Variants in CNGB3 observed in about 807,000 individuals in gnomAD.
CNGB3 encodes the protein cyclic nucleotide gated channel subunit beta 3.
A neutral mutation model predicts 92.8 loss-of-function variants in CNGB3; 86 were observed. The observed-to-expected ratio is 0.93, with a 90% CI of 0.78 to 1.11. CNGB3 has a LOEUF of 1.11. Ranked by LOEUF, CNGB3 falls within the 50% of genes least tolerant of loss-of-function variation. The probability of loss-of-function intolerance (pLI) is 0.00; values close to 1 mark genes in which losing one functional copy is unlikely to be tolerated. For missense variants in CNGB3, 1,026 were observed against 956.8 expected, an observed-to-expected ratio of 1.07 and a Z score of -0.95; for synonymous variants, 333 against 332.7, an observed-to-expected ratio of 1.00 and a Z score of -0.01.
chr8:86,596,677 G>A (rs935621357), intron 15 of CNGB3, among the ~76,000 whole-genome samples: 4 of 152,216 alleles, frequency 2.6e-5, no homozygotes, highest in Non-Finnish European at 5.9e-5. Context: ...CTTGGTGCCT[G>A]TGTAAAGTGT....
intron 3 of CNGB3, among the ~76,000 whole-genome samples, chr8:86,724,692 T>C (rs1420576842): frequency 2.0e-5 from 3 of 151,964 alleles, no homozygotes; most frequent in Admixed American, 6.6e-5. Flanking sequence ...CATAGCCTAG[T>C]TAGGAATGTC....
chr8:86,738,383 G>A (rs1298784500), intron 2 of CNGB3, among the ~76,000 whole-genome samples: 1 of 152,178 alleles, frequency 6.6e-6, no homozygotes, highest in South Asian at 2.1e-4. Context: ...GATCAAAGTG[G>A]TGGTTAATGG....
In CNGB3 at chr8:86,680,230, A is replaced by G. The variant is rs16916767; in HGVS notation, c.339-9132T>C. 8.7e-3 allele frequency among the ~76,000 whole-genome samples: 1,331 copies of G among 152,342 alleles called. 16 individuals are homozygous for G. The highest frequency in any genetic ancestry group is 0.029 in the African/African-American group (1,226 of 41,586). Reference sequence around the variant, plus strand: ...AAAAAAATGTTGTGAAAACTCTACAATGCTGGAAAGCAAGACATTGCCACC... The same window carrying G: ...AAAAAAATGTTGTGAAAACTCTACAGTGCTGGAAAGCAAGACATTGCCACC... On this transcript the variant is annotated intron_variant, in intron 3 of 17. Transcript: ENST00000320005.
At chr8:86,625,948 T>G (rs762419306) in intron 13 of CNGB3, 35 bp downstream of exon 13, 1 of 1,508,150 alleles carries the variant, frequency 6.6e-7, no homozygotes, top group Non-Finnish European at 9.2e-7. Flanking sequence ...CATAGAGAAA[T>G]AGATACAGAG....
chr8:86,723,742 A>T (rs1213267735), intron 3 of CNGB3, among the ~76,000 whole-genome samples: 3 of 152,188 alleles, frequency 2.0e-5, no homozygotes. Flanking sequence ...CATGTGAACA[A>T]CCATCTAATA....
At chr8:86,741,549 C>T (rs530360232) in intron 1 of CNGB3, among the ~76,000 whole-genome samples, 1 of 152,080 alleles carries the variant, frequency 6.6e-6, no homozygotes, top group Admixed American at 6.6e-5. Context: ...GCCTGTAATC[C>T]CAGCTACTCG....
At chr8:86,603,996 C>A in intron 15 of CNGB3, 97 bp downstream of exon 15, 1 of 819,178 alleles carries the variant, frequency 1.2e-6, no homozygotes, top group Admixed American at 1.8e-5. Flanking sequence ...ACAATCAAAC[C>A]TTTGATAAAT....
At position 86,647,796 on chromosome 8, in the gene CNGB3, C is replaced by T. The variant is rs1432349774; in HGVS notation, c.990+5G>A. 7.2e-7 allele frequency: 1 copy of T among 1,391,474 alleles called. No homozygotes were observed. Among genetic ancestry groups the T allele is most frequent in the East Asian group, 2.3e-5 (1 of 43,636 alleles). 86.2% of individuals were successfully genotyped at this position (1,391,474 alleles called of 1,614,324 possible). ...GGAAAAGACAATTAAATATAGTTAT[C>T]TTACCTTTAACATCCTATTTGCTCT... On this transcript the variant is annotated splice_donor_5th_base_variant and intron_variant, in intron 8 of 17. Transcript: ENST00000320005.
At chr8:86,739,578 A>T in intron 2 of CNGB3, 77 bp downstream of exon 2, 1 of 1,582,698 alleles carries the variant, frequency 6.3e-7, no homozygotes, top group South Asian at 1.2e-5. Context: ...CAAATATTTC[A>T]TCAGACAGCA....
intron 6 of CNGB3, chr8:86,659,332 G>T (rs958741655): frequency 1.3e-5 from 15 of 1,171,208 alleles, no homozygotes; most frequent in Non-Finnish European, 1.8e-5. Context: ...TCCATGGCCT[G>T]CTGTAACTGC....
chr8:86,600,723 C>T (rs2131556051), intron 15 of CNGB3, among the ~76,000 whole-genome samples: 1 of 150,124 alleles, frequency 6.7e-6, no homozygotes, highest in East Asian at 1.9e-4. Context: ...TATTCTCCTG[C>T]CTCAGCCTCC....
chr8:86,657,552 G>A (rs1310506680), intron 6 of CNGB3: 4 of 474,292 alleles, frequency 8.4e-6, no homozygotes, highest in African/African-American at 2.0e-5. Context: ...GCCTCTTCTT[G>A]TGCAGGCTCC....
chr8:86,738,695 C>T (rs1327006166), intron 2 of CNGB3, among the ~76,000 whole-genome samples: 1 of 151,988 alleles, frequency 6.6e-6, no homozygotes, highest in Non-Finnish European at 1.5e-5. Flanking sequence ...AAAAATTAGC[C>T]AGGCTTGGTG....
At chr8:86,652,151 G>A (rs1823416073) in intron 7 of CNGB3, among the ~76,000 whole-genome samples, 2 of 151,894 alleles carry the variant, frequency 1.3e-5, no homozygotes, top group Admixed American at 1.3e-4. Context: ...GTAACACAAT[G>A]GTAAATATCT....
chr8:86,653,308 A>G (rs1823440833), intron 7 of CNGB3, among the ~76,000 whole-genome samples: 1 of 152,100 alleles, frequency 6.6e-6, no homozygotes, highest in South Asian at 2.1e-4. Flanking sequence ...GCAATATTTA[A>G]TAAAGAAAAT....
intron 15 of CNGB3, chr8:86,593,647 A>G: frequency 1.9e-6 from 1 of 517,880 alleles, no homozygotes; most frequent in Non-Finnish European, 3.6e-6. Flanking sequence ...TTCCCCACTG[A>G]GGTGGACCCT....
rs1824425722 is a variant in CNGB3, at chr8:86,695,164, G to A, written c.339-24066C>T. 2.3e-4 allele frequency among the ~76,000 whole-genome samples: 7 copies of A among 30,252 alleles called. No individual in the cohort carries two copies. The South Asian group carries it at 0.043, about 187-fold the overall frequency. The allele number at this position is 30,252 out of a possible 152,430, so 19.8% of individuals were successfully genotyped here. A position where few individuals can be genotyped will look rare whatever the true frequency, so the allele number is the denominator to read the frequency against. On this transcript the variant is annotated intron_variant, in intron 3 of 17. Coordinates refer to ENST00000320005, the MANE Select transcript of CNGB3 (RefSeq NM_019098.5). ...ATACGAAAACCAGTCAGGCGTGGCG[G>A]TGGCGCCTGCAATCGCAGGCACTCG...
At chr8:86,723,587 T>C (rs971634179) in intron 3 of CNGB3, among the ~76,000 whole-genome samples, 30 of 152,262 alleles carry the variant, frequency 2.0e-4, no homozygotes, top group African/African-American at 7.2e-4. Context: ...ACCCATGAGA[T>C]TGGAACAGAA....
chr8:86,614,682 G>A (rs1167727880), intron 13 of CNGB3, among the ~76,000 whole-genome samples: 2 of 152,078 alleles, frequency 1.3e-5, no homozygotes, highest in Admixed American at 6.6e-5. Context: ...AACTGGACAC[G>A]GGTCAGACGA....
Sources: allele counts gnomAD v4.1 joint callset (sites outside exome capture counted in the v4.1 genomes callset), GRCh38; gene constraint gnomAD v4.1.1; transcripts MANE v1.5; gene names NCBI Gene and HGNC (gene_info 2026-07-23, HGNC 2026-07-21).